The following CCDC158 variants were observed in gnomAD, a reference collection of about 807,000 sequenced individuals.
The protein encoded by CCDC158 is coiled-coil domain-containing protein 158.
CCDC158 carries 116 observed loss-of-function variants against 138.6 expected under a neutral mutation model. The ratio of observed to expected loss-of-function variants is 0.84; its 90% CI spans 0.72 to 0.98. The LOEUF (loss-of-function observed/expected upper bound fraction) is 0.98. Ranked by LOEUF, CCDC158 falls within the 50% of genes least tolerant of loss-of-function variation. The pLI is 0.00. For missense variants in CCDC158, 1,265 were observed against 1,306.1 expected, an observed-to-expected ratio of 0.97 and a Z score of 0.48; for synonymous variants, 436 against 442.4, an observed-to-expected ratio of 0.99 and a Z score of 0.18.
intron 18 of CCDC158, among the ~76,000 whole-genome samples, chr4:76,349,806 A>C (rs1722890354): frequency 6.6e-6 from 1 of 152,212 alleles, no homozygotes; most frequent in Non-Finnish European, 1.5e-5. Flanking sequence ...GCTAGGAAAA[A>C]TCTAATAGAT....
chr4:76,339,841 T>C (rs767446969), intron 18 of CCDC158, among the ~76,000 whole-genome samples: 4 of 152,222 alleles, frequency 2.6e-5, no homozygotes, highest in Non-Finnish European at 5.9e-5. Flanking sequence ...ATTAAAATTA[T>C]TAACCACACT....
At chr4:76,403,638 T>C (rs982793766) in intron 2 of CCDC158, among the ~76,000 whole-genome samples, 11 of 152,174 alleles carry the variant, frequency 7.2e-5, no homozygotes, top group Admixed American at 6.5e-4. Flanking sequence ...GAAGAACTTC[T>C]CTGATGTCAA....
intron 8 of CCDC158, among the ~76,000 whole-genome samples, chr4:76,380,162 A>C (rs1246861376): frequency 6.6e-6 from 1 of 152,212 alleles, no homozygotes; most frequent in Non-Finnish European, 1.5e-5. Context: ...GGGCACTGCT[A>C]TAAAGATATC....
chr4:76,419,701 CA>C (rs1729963428), intron 1 of CCDC158, among the ~76,000 whole-genome samples: 1 of 151,856 alleles, frequency 6.6e-6, no homozygotes. Context: ...TTTGCGTTTG[CA>C]TTTAGGACCC....
In CCDC158 at chr4:76,371,657, G is replaced by A. The variant is rs1579004501; in HGVS notation, c.1030-121C>T. The A allele has an allele frequency of 9.9e-6, 12 of 1,206,836 alleles. No individual in the cohort carries two copies. In the East Asian group the frequency reaches 2.6e-4, roughly 26 times the overall value. The allele number at this position is 1,206,836 out of a possible 1,614,324, so 74.8% of individuals were successfully genotyped here. ...AACAAAAATAAAAGTTCGTTGTGAG[G>A]CTGGGTGCAGTGGCTCATGCCTGTA... On this transcript the variant is annotated intron_variant, in intron 9 of 24. Transcript: ENST00000682701.
intron 2 of CCDC158, among the ~76,000 whole-genome samples, chr4:76,408,640 T>TA (rs1222826732): frequency 3.9e-5 from 6 of 152,216 alleles, no homozygotes; most frequent in Non-Finnish European, 7.3e-5. Context: ...AGTGCCGCAA[T>TA]AAAAACACGT....
intron 20 of CCDC158, 57 bp downstream of exon 20, chr4:76,332,375 G>T: frequency 7.2e-7 from 1 of 1,385,730 alleles, no homozygotes; most frequent in South Asian, 1.2e-5. Flanking sequence ...AAATTACAAG[G>T]CCACATATAA....
chr4:76,377,961 A>T (rs1725867798), intron 9 of CCDC158, among the ~76,000 whole-genome samples: 1 of 152,176 alleles, frequency 6.6e-6, no homozygotes, highest in South Asian at 2.1e-4. Flanking sequence ...TTGTTTTATG[A>T]ATCTTGCTTC....
At chr4:76,321,776 A>C (rs1296734150) in intron 24 of CCDC158, among the ~76,000 whole-genome samples, 1 of 146,142 alleles carries the variant, frequency 6.8e-6, no homozygotes, top group African/African-American at 2.5e-5. Flanking sequence ...ATATATATAT[A>C]ATAAATATAT....
In CCDC158 at chr4:76,351,773, G is replaced by A. The variant is rs183278785; in HGVS notation, c.2485C>T (p.Arg829Cys). 2.9e-3 allele frequency: 4,713 copies of A among 1,612,684 alleles called. 7 individuals carry two copies. The highest frequency in any genetic ancestry group is 3.6e-3 in the Non-Finnish European group (4,279 of 1,179,048). Residue 829 changes from arginine to cysteine, a missense_variant, in exon 17 of 25, where the codon CGT becomes TGT. Physicochemically the swap from Arg to Cys is radical, Grantham distance 180 (BLOSUM62 -3). Coordinates refer to ENST00000682701, the MANE Select transcript of CCDC158 (RefSeq NM_001394954.1). ...AAGCGCACTGATTCTTGCTCCTGAC[G>A]CTGTATTATATCTTGACATTCTGCA... Reference protein sequence around the residue: ...QFAECQDIIQRQEQESVRLKL... With the variant: ...QFAECQDIIQCQEQESVRLKL...
At chr4:76,372,223 G>A (rs1458154940) in intron 9 of CCDC158, among the ~76,000 whole-genome samples, 2 of 152,180 alleles carry the variant, frequency 1.3e-5, no homozygotes, top group Non-Finnish European at 2.9e-5. Context: ...AGGATCCCTT[G>A]AGCCCAGGAG....
chr4:76,375,331 A>G, intron 9 of CCDC158: 1 of 415,608 alleles, frequency 2.4e-6, no homozygotes, highest in Admixed American at 4.3e-5. Context: ...TGCCAATCAT[A>G]TCAAATCACA....
intron 4 of CCDC158, among the ~76,000 whole-genome samples, chr4:76,389,847 A>C (rs1428931149): frequency 2.0e-5 from 3 of 152,198 alleles, no homozygotes; most frequent in African/African-American, 7.2e-5. Flanking sequence ...TCTACTGTAG[A>C]ATAGTATATC....
At chr4:76,320,140 C>A (rs1719864012) in intron 24 of CCDC158, among the ~76,000 whole-genome samples, 1 of 152,180 alleles carries the variant, frequency 6.6e-6, no homozygotes, top group African/African-American at 2.4e-5. Flanking sequence ...CATTGCTACA[C>A]ACCAACAATG....
At chr4:76,323,268 G>A (rs1213616038) in intron 24 of CCDC158, 34 bp downstream of exon 24, 1 of 1,450,540 alleles carries the variant, frequency 6.9e-7, no homozygotes, top group African/African-American at 1.4e-5. Context: ...ATTCTCATGA[G>A]CGAGGAAGAT....
chr4:76,337,136 A>G (rs546120108), intron 18 of CCDC158, among the ~76,000 whole-genome samples: 2 of 152,046 alleles, frequency 1.3e-5, no homozygotes, highest in Non-Finnish European at 2.9e-5. Flanking sequence ...GCATGCCACC[A>G]CACCCGGCTA....
intron 22 of CCDC158, among the ~76,000 whole-genome samples, chr4:76,327,877 T>C (rs1720668971): frequency 6.6e-6 from 1 of 152,234 alleles, no homozygotes; most frequent in South Asian, 2.1e-4. Flanking sequence ...TATTTTGTTC[T>C]CTTCCATAGG....
At chr4:76,420,506 T>C (rs1159871483) in intron 1 of CCDC158, among the ~76,000 whole-genome samples, 1 of 152,226 alleles carries the variant, frequency 6.6e-6, no homozygotes, top group African/African-American at 2.4e-5. Flanking sequence ...GGGAAAGCTC[T>C]GACCCCCACA....
intron 9 of CCDC158, among the ~76,000 whole-genome samples, chr4:76,374,143 G>A (rs1462520981): frequency 6.6e-6 from 1 of 151,870 alleles, no homozygotes; most frequent in Non-Finnish European, 1.5e-5. Context: ...GCAACAGAGT[G>A]AGACACTCTC....
Sources: gnomAD v4.1 joint callset for allele counts (sites outside exome capture counted in the v4.1 genomes callset) on GRCh38, gnomAD v4.1.1 for gene constraint, MANE v1.5 for transcripts, NCBI Gene and HGNC (gene_info 2026-07-23, HGNC 2026-07-21) for gene names.